Variants in SLC35F3 observed in about 807,000 individuals in gnomAD.
SLC35F3 encodes the protein putative thiamine transporter SLC35F3.
Under a neutral mutation model 49.9 loss-of-function variants are expected in SLC35F3, and 25 were observed. The observed-to-expected ratio is 0.50, with a 90% CI of 0.37 to 0.70. The LOEUF (loss-of-function observed/expected upper bound fraction) is 0.70, where lower values mean the gene tolerates loss of function less well. Ranked by LOEUF, SLC35F3 falls within the 30% of genes least tolerant of loss-of-function variation. SLC35F3 has a pLI of 0.00. For synonymous variants in SLC35F3, 275 were observed against 265.4 expected (o/e 1.04, Z -0.35); for missense variants, 525 against 639.8 (o/e 0.82, Z 1.94).
chr1:233,961,457 T>C (rs543094801), intron 2 of SLC35F3, among the ~76,000 whole-genome samples: 78 of 140,176 alleles, frequency 5.6e-4, no homozygotes, highest in African/African-American at 1.8e-3. Context: ...TTTCCTCTCT[T>C]TTTTTTTTTT....
intron 4 of SLC35F3, among the ~76,000 whole-genome samples, chr1:234,311,091 T>C (rs1029714402): frequency 6.6e-6 from 1 of 152,240 alleles, no homozygotes; most frequent in Non-Finnish European, 1.5e-5. Context: ...ATGGCATTGA[T>C]GGCATTTTGT....
rs76057754 is a variant in SLC35F3 at position 234,216,360 on chromosome 1, G to A, written c.284-15057G>A. ...AGGTTCGAACTGCACTGGAAGTGGG[G>A]CAGGACGCGGATGGTGGGGCTACCT... On this transcript the variant is annotated intron_variant, in intron 2 of 7. Transcript: ENST00000366618. Among the ~76,000 whole-genome samples, 64 of 152,332 alleles carry A rather than the reference G, an allele frequency of 4.2e-4. No individual in the cohort carries two copies. The East Asian group carries it at 0.011, about 27-fold the overall frequency.
chr1:234,137,122 T>C (rs1014407109), intron 2 of SLC35F3, among the ~76,000 whole-genome samples: 1 of 152,230 alleles, frequency 6.6e-6, no homozygotes, highest in Non-Finnish European at 1.5e-5. Flanking sequence ...CACAGGGCCA[T>C]GTAACAGATG....
At position 233,970,229 on chromosome 1, in the gene SLC35F3, C is replaced by T. The variant is rs963251210; in HGVS notation, c.283+64471C>T. On this transcript the variant is annotated intron_variant, in intron 2 of 7. Coordinates refer to ENST00000366618, the MANE Select transcript of SLC35F3 (RefSeq NM_173508.4). ...CTGGATGGGCATCAGAGTTAGCACC[C>T]GGCCACCTTCTGGGGGTCTTGGGAA... 5.3e-5 allele frequency among the ~76,000 whole-genome samples: 8 copies of T among 152,080 alleles called. No homozygotes were observed. In the East Asian group the frequency reaches 5.8e-4, roughly 11 times the overall value.
chr1:234,246,674 G>T (rs754879845), intron 3 of SLC35F3, among the ~76,000 whole-genome samples: 3 of 152,214 alleles, frequency 2.0e-5, no homozygotes, highest in Non-Finnish European at 4.4e-5. Flanking sequence ...ACACAGTCAT[G>T]TATAACCCAA....
intron 2 of SLC35F3, among the ~76,000 whole-genome samples, chr1:234,112,556 C>CTTTTTTTTTTTTTT (rs777353110): frequency 4.3e-5 from 5 of 116,352 alleles, no homozygotes; most frequent in Non-Finnish European, 8.9e-5. Flanking sequence ...AATTCACACT[C>CTTTTTTTTTTTTTT]TTTTTTTTTT....
At chr1:234,097,999 G>A (rs376068241) in intron 2 of SLC35F3, among the ~76,000 whole-genome samples, 5 of 151,198 alleles carry the variant, frequency 3.3e-5, no homozygotes, top group Non-Finnish European at 4.4e-5. Context: ...TGGTAGTGAC[G>A]GTGTTATAGG....
At chr1:233,976,333 ATTTTTCT>A (rs1663079474) in intron 2 of SLC35F3, among the ~76,000 whole-genome samples, 1 of 152,086 alleles carries the variant, frequency 6.6e-6, no homozygotes, top group Admixed American at 6.5e-5. Flanking sequence ...AACTCCTTTC[ATTTTTCT>A]TTTTTTATCC....
chr1:234,314,889 G>A (rs945673332), intron 4 of SLC35F3, among the ~76,000 whole-genome samples: 23 of 152,138 alleles, frequency 1.5e-4, no homozygotes, highest in Non-Finnish European at 3.2e-4. Context: ...ATGCCTGCCC[G>A]GTTTGGCGTG....
At chr1:234,033,961 A>G (rs1664103832) in intron 2 of SLC35F3, among the ~76,000 whole-genome samples, 1 of 152,154 alleles carries the variant, frequency 6.6e-6, no homozygotes, top group Non-Finnish European at 1.5e-5. Context: ...GGTAATTTTC[A>G]CAATATTGAG....
chr1:234,098,774 G>T (rs1473419872), intron 2 of SLC35F3, among the ~76,000 whole-genome samples: 1 of 151,550 alleles, frequency 6.6e-6, no homozygotes, highest in Non-Finnish European at 1.5e-5. Flanking sequence ...GTTGGTGGTG[G>T]TGGTGGCAGT....
At chr1:234,048,639 G>GGAGCCTTGGAGATAAGGCTCCCTA (rs11269045) in intron 2 of SLC35F3, among the ~76,000 whole-genome samples, 2 of 151,836 alleles carry the variant, frequency 1.3e-5, no homozygotes, top group African/African-American at 4.8e-5. Context: ...CGCATCACCT[G>GGAGCCTTGGAGATAAGGCTCCCTA]GAGCCTTGGG....
chr1:233,922,755 T>C (rs1662086930), intron 2 of SLC35F3, among the ~76,000 whole-genome samples: 1 of 152,212 alleles, frequency 6.6e-6, no homozygotes, highest in Non-Finnish European at 1.5e-5. Flanking sequence ...TGCCTAGGTT[T>C]TCTTCTAGAG....
At chr1:233,929,126 A>G (rs549414036) in intron 2 of SLC35F3, among the ~76,000 whole-genome samples, 1 of 114,886 alleles carries the variant, frequency 8.7e-6, no homozygotes, top group South Asian at 3.2e-4. Flanking sequence ...GCAATCTGCA[A>G]ATATAGTGAG....
At chr1:234,278,140 C>T (rs1353181150) in intron 3 of SLC35F3, among the ~76,000 whole-genome samples, 1 of 152,258 alleles carries the variant, frequency 6.6e-6, no homozygotes, top group Non-Finnish European at 1.5e-5. Context: ...CTGCAGTGAG[C>T]CACGATCACG....
At chr1:234,112,001 G>T (rs1157891300) in intron 2 of SLC35F3, among the ~76,000 whole-genome samples, 2 of 151,968 alleles carry the variant, frequency 1.3e-5, no homozygotes, top group Non-Finnish European at 2.9e-5. Flanking sequence ...CATGCTTTCG[G>T]CAGAACCTCA....
At chr1:234,237,983 C>G (rs1403190689) in intron 3 of SLC35F3, among the ~76,000 whole-genome samples, 1 of 152,214 alleles carries the variant, frequency 6.6e-6, no homozygotes, top group Non-Finnish European at 1.5e-5. Flanking sequence ...GGATTAAAGG[C>G]ATGAGCCACT....
At chr1:234,035,968 C>T (rs6699703) in intron 2 of SLC35F3, among the ~76,000 whole-genome samples, 9 of 151,990 alleles carry the variant, frequency 5.9e-5, no homozygotes, top group South Asian at 2.1e-4. Flanking sequence ...CTTGGCTGTC[C>T]GCTCATACTT....
At chr1:234,278,052 G>A (rs957222496) in intron 3 of SLC35F3, among the ~76,000 whole-genome samples, 3 of 151,988 alleles carry the variant, frequency 2.0e-5, no homozygotes, top group Non-Finnish European at 4.4e-5. Flanking sequence ...AATTAGCCAG[G>A]CATAGAGGCA....
Sources: allele counts gnomAD v4.1 joint callset (sites outside exome capture counted in the v4.1 genomes callset), GRCh38; gene constraint gnomAD v4.1.1; transcripts MANE v1.5; gene names NCBI Gene and HGNC (gene_info 2026-07-23, HGNC 2026-07-21).